SRSF8: variants seen among roughly 807,000 people sequenced by gnomAD.
SRSF8 encodes serine/arginine-rich splicing factor 8.
Under a neutral mutation model 2.0 loss-of-function variants are expected in SRSF8, and 3 were observed. The ratio of observed to expected loss-of-function variants is 1.47; its 90% CI spans 0.67 to 3.79. The LOEUF (loss-of-function observed/expected upper bound fraction) is 3.79. Ranked by LOEUF, SRSF8 falls within the 30% of genes most tolerant of loss-of-function variation. The pLI is 0.02. For synonymous variants in SRSF8, 162 were observed against 170.7 expected, an observed-to-expected ratio of 0.95 and a Z score of 0.40; for missense variants, 408 against 410.9, an observed-to-expected ratio of 0.99 and a Z score of 0.06.
At position 95,067,129 on chromosome 11, in the gene SRSF8, C is replaced by T; in HGVS notation, c.-98C>T. ...CGCCTCTCCGCCCGGCCTTTCCCGG[C>T]GTCCCCACGCGGGGCGCAACCGCGA... On this transcript the variant is annotated 5_prime_UTR_variant, in exon 1 of 1. Transcript: ENST00000587424. 2 of 1,201,442 alleles carry T rather than the reference C, an allele frequency of 1.7e-6. No individual in the cohort carries two copies. Among genetic ancestry groups the T allele is most frequent in the Non-Finnish European group, 1.1e-6 (1 of 913,566 alleles). 74.4% of individuals were successfully genotyped at this position (1,201,442 alleles called of 1,614,324 possible).
chr11:95,067,538 G>A lies in SRSF8; in HGVS notation c.312G>A (p.Glu104=). ...RRDLPRSRQG[E]PRGRSRGGGY... is the part of the protein sequence containing the mutation. The stretch of plus-strand genomic sequence containing the variant: ...ACCTGCCCCGCAGCCGCCAGGGAGA[G>A]CCACGCGGCAGGTCCAGAGGCGGCG... Residue 104 remains glutamate, a synonymous_variant, in exon 1 of 1, where the codon GAG becomes GAA. Coordinates refer to ENST00000587424, the MANE Select transcript of SRSF8 (RefSeq NM_032102.4). The A allele has an allele frequency of 6.6e-7, 1 of 1,526,316 alleles. No individual in the cohort carries two copies. Among genetic ancestry groups the A allele is most frequent in the South Asian group, 1.2e-5 (1 of 81,222 alleles). 94.5% of individuals were successfully genotyped at this position (1,526,316 alleles called of 1,614,324 possible). A position where few individuals can be genotyped will look rare whatever the true frequency, so the allele number is the denominator to read the frequency against.
rs1858691745 is a variant in SRSF8, at chr11:95,068,724, A to C, written c.*649A>C. The C allele has an allele frequency of 6.0e-6, 1 of 167,472 alleles. No homozygotes were observed. Among genetic ancestry groups the C allele is most frequent in the Admixed American group, 6.5e-5 (1 of 15,338 alleles). The allele number at this position is 167,472 out of a possible 1,614,324, so 10.4% of individuals were successfully genotyped here. On this transcript the variant is annotated 3_prime_UTR_variant, in exon 1 of 1. Coordinates refer to ENST00000587424, the MANE Select transcript of SRSF8 (RefSeq NM_032102.4). The stretch of plus-strand genomic sequence containing the variant: ...TGGCCTGTTGCAGTGCAGAGTGCTG[A>C]GCTGCTTCCTGTTTTCTTCTGATTG...
chr11:95,069,880 A>G lies in SRSF8; in HGVS notation c.*1805A>G, dbSNP rs680673. The G allele has an allele frequency of 4.8e-5, 8 of 166,852 alleles. No homozygotes were observed. The highest frequency in any genetic ancestry group is 1.9e-4 in the African/African-American group (8 of 41,332). The allele number at this position is 166,852 out of a possible 1,614,324, so 10.3% of individuals were successfully genotyped here. A position where few individuals can be genotyped will look rare whatever the true frequency, so the allele number is the denominator to read the frequency against. On this transcript the variant is annotated 3_prime_UTR_variant, in exon 1 of 1. Transcript: ENST00000587424. ...AGCAGGTGGCGAAGGGAGGTGAGGT[A>G]TATTTATTAAATGGGACCGAGTGGG...
chr11:95,067,659 C>A lies in SRSF8; in HGVS notation c.433C>A (p.Arg145Ser). 1 of 1,609,898 alleles carries A rather than the reference C, an allele frequency of 6.2e-7. No homozygotes were observed. Among genetic ancestry groups the A allele is most frequent in the Non-Finnish European group, 8.5e-7 (1 of 1,178,030 alleles). ...CCGGGGTCCCAGCTGCTCCAGGTCC[C>A]GCAGCCGATCTCGCTATAGGGGTTC... is the stretch of plus-strand genomic sequence containing the variant. The part of the protein sequence containing the change: ...RSRGPSCSRS[R>S]SRSRYRGSRY... The change falls in exon 1 of 1, where the codon CGC (arginine) becomes AGC (serine). Residue 145 changes from arginine to serine, a missense_variant. Transcript: ENST00000587424.
chr11:95,070,834 A>C lies in SRSF8; in HGVS notation c.*2759A>C, dbSNP rs1470083595. The C allele has an allele frequency of 1.2e-5, 2 of 167,116 alleles. No homozygotes were observed. Among genetic ancestry groups the C allele is most frequent in the Non-Finnish European group, 2.9e-5 (2 of 68,128 alleles). 10.4% of individuals were successfully genotyped at this position (167,116 alleles called of 1,614,324 possible). A position where few individuals can be genotyped will look rare whatever the true frequency, so the allele number is the denominator to read the frequency against. On this transcript the variant is annotated 3_prime_UTR_variant, in exon 1 of 1. Transcript: ENST00000587424. ...GTAATAGATTAGAAGTAGGGAAATTAATGAAAAAGCAGAATTAAGGATGAC... is the reference window on the plus strand; with the variant it reads ...GTAATAGATTAGAAGTAGGGAAATTCATGAAAAAGCAGAATTAAGGATGAC...
chr11:95,067,404 G>T lies in SRSF8; in HGVS notation c.178G>T (p.Val60Phe). The T allele has an allele frequency of 1.9e-6, 3 of 1,577,630 alleles. No homozygotes were observed. The highest frequency in any genetic ancestry group is 2.6e-6 in the Non-Finnish European group (3 of 1,164,532). Residue 60 changes from valine to phenylalanine, a missense_variant, in exon 1 of 1, where the codon GTC becomes TTC. Val to Phe is a conservative substitution (Grantham distance 50). This residue lies in a region of SRSF8 where 62 missense variants were observed against 94.4 expected (regional missense o/e 0.66). Coordinates refer to ENST00000587424, the MANE Select transcript of SRSF8 (RefSeq NM_032102.4). Reference protein sequence around the residue: ...HTKAPRGFAFVRFHDRRDAQD... With the variant: ...HTKAPRGFAFFRFHDRRDAQD... ...CAAGGCGCCCCGGGGCTTCGCTTTC[G>T]TCCGCTTTCACGACCGGCGCGACGC...
chr11:95,068,085 G>GCATCA lies in SRSF8; in HGVS notation c.*11_*15dup. Reference sequence around the variant, plus strand: ...ACAGATGTCCTCTTAAGAAAATGATGCATCAGGAAGCAACGTGATGGAGGA... The same window carrying GCATCA: ...ACAGATGTCCTCTTAAGAAAATGATGCATCACATCAGGAAGCAACGTGATGGAGGA... On this transcript the variant is annotated 3_prime_UTR_variant, in exon 1 of 1. Transcript: ENST00000587424. 3 of 1,596,008 alleles carry GCATCA rather than the reference G, an allele frequency of 1.9e-6. No homozygotes were observed. Among genetic ancestry groups the GCATCA allele is most frequent in the Non-Finnish European group, 8.6e-7 (1 of 1,166,304 alleles).
At position 95,067,094 on chromosome 11, in the gene SRSF8, C is replaced by G; in HGVS notation, c.-133C>G. On this transcript the variant is annotated 5_prime_UTR_variant, in exon 1 of 1. Transcript: ENST00000587424. Reference sequence around the variant, plus strand: ...CTGCTCCAGGGCGCTCCCTGCGGAGCTCCGCCGCCCGCCTCTCCGCCCGGC... The same window carrying G: ...CTGCTCCAGGGCGCTCCCTGCGGAGGTCCGCCGCCCGCCTCTCCGCCCGGC... The G allele has an allele frequency of 1.1e-6, 1 of 903,756 alleles. No homozygotes were observed. Among genetic ancestry groups the G allele is most frequent in the Non-Finnish European group, 1.6e-6 (1 of 643,130 alleles). 56.0% of individuals were successfully genotyped at this position (903,756 alleles called of 1,614,324 possible).
Position 95,068,254 on chromosome 11 carries a change from G to A in SRSF8, c.*179G>A. ...TCAGGTGGCAAAATTCATTCTATGTGCCGTTTTGTTGTTATTCACATTTTA... is the reference window on the plus strand; with the variant it reads ...TCAGGTGGCAAAATTCATTCTATGTACCGTTTTGTTGTTATTCACATTTTA... On this transcript the variant is annotated 3_prime_UTR_variant, in exon 1 of 1. Transcript: ENST00000587424. The A allele has an allele frequency of 1.6e-6, 1 of 632,696 alleles. No individual in the cohort carries two copies. Among genetic ancestry groups the A allele is most frequent in the Middle Eastern group, 4.2e-4 (1 of 2,376 alleles). 39.2% of individuals were successfully genotyped at this position (632,696 alleles called of 1,614,324 possible). A position where few individuals can be genotyped will look rare whatever the true frequency, so the allele number is the denominator to read the frequency against.
rs1217816541 is a variant in SRSF8 at position 95,069,212 on chromosome 11, TA to T, written c.*1143del. 1 of 167,040 alleles carries T rather than the reference TA, an allele frequency of 6.0e-6. No homozygotes were observed. The highest frequency in any genetic ancestry group is 1.5e-5 in the Non-Finnish European group (1 of 68,128). The allele number at this position is 167,040 out of a possible 1,614,324, so 10.3% of individuals were successfully genotyped here. ...CAAGTGTTTCTCAAAATATAATTTT[TA>T]AAAAATCCTTAATAGGCTTTTAGCT... On this transcript the variant is annotated 3_prime_UTR_variant, in exon 1 of 1. Coordinates refer to ENST00000587424, the MANE Select transcript of SRSF8 (RefSeq NM_032102.4).
chr11:95,067,103 C>T lies in SRSF8; in HGVS notation c.-124C>T. The stretch of plus-strand genomic sequence containing the variant: ...GGCGCTCCCTGCGGAGCTCCGCCGC[C>T]CGCCTCTCCGCCCGGCCTTTCCCGG... On this transcript the variant is annotated 5_prime_UTR_variant, in exon 1 of 1. Transcript: ENST00000587424. 1 of 1,004,368 alleles carries T rather than the reference C, an allele frequency of 1.0e-6. No individual in the cohort carries two copies. Among genetic ancestry groups the T allele is most frequent in the South Asian group, 2.3e-5 (1 of 42,574 alleles). 62.2% of individuals were successfully genotyped at this position (1,004,368 alleles called of 1,614,324 possible). A position where few individuals can be genotyped will look rare whatever the true frequency, so the allele number is the denominator to read the frequency against.
rs1240383115 is a variant in SRSF8 at position 95,070,963 on chromosome 11, A to G, written c.*2888A>G. On this transcript the variant is annotated 3_prime_UTR_variant, in exon 1 of 1. Transcript: ENST00000587424. ...AGAAATTGAGAAAGGAAAATCAAGA[A>G]TTTCCAGAACTTTCAGAGCAATGTT... 3 of 167,076 alleles carry G rather than the reference A, an allele frequency of 1.8e-5. No homozygotes were observed. Among genetic ancestry groups the G allele is most frequent in the Admixed American group, 6.5e-5 (1 of 15,284 alleles). The allele number at this position is 167,076 out of a possible 1,614,324, so 10.3% of individuals were successfully genotyped here.
At position 95,069,908 on chromosome 11, in the gene SRSF8, G is replaced by T. The variant is rs995485289; in HGVS notation, c.*1833G>T. On this transcript the variant is annotated 3_prime_UTR_variant, in exon 1 of 1. Transcript: ENST00000587424. ...TTTATTAAATGGGACCGAGTGGGAC[G>T]GGGACGGGGCAGCCCTAAGGGTAGG... is the stretch of plus-strand genomic sequence containing the variant. The T allele has an allele frequency of 6.0e-6, 1 of 167,018 alleles. No homozygotes were observed. The highest frequency in any genetic ancestry group is 2.4e-5 in the African/African-American group (1 of 41,444). The allele number at this position is 167,018 out of a possible 1,614,324, so 10.3% of individuals were successfully genotyped here.
chr11:95,070,399 AC>A lies in SRSF8; in HGVS notation c.*2325del. On this transcript the variant is annotated 3_prime_UTR_variant, in exon 1 of 1. Transcript: ENST00000587424. ...AAAAAAAAAAAGAAAAAGGAAAAAA[AC>A]AAACAAACAACAACTTTGAAACCTA... 2 of 157,400 alleles carry A rather than the reference AC, an allele frequency of 1.3e-5. No individual in the cohort carries two copies. The allele number at this position is 157,400 out of a possible 1,614,324, so 9.8% of individuals were successfully genotyped here.
rs1555107162 is a variant in SRSF8 at position 95,067,703 on chromosome 11, C to G, written c.477C>G (p.Pro159=). 1 of 1,613,810 alleles carries G rather than the reference C, an allele frequency of 6.2e-7. No homozygotes were observed. The highest frequency in any genetic ancestry group is 1.3e-5 in the African/African-American group (1 of 74,918). Residue 159 remains proline, a synonymous_variant, in exon 1 of 1, where the codon CCC becomes CCG. Transcript: ENST00000587424. Reference sequence around the variant, plus strand: ...GGGGTTCTCGCTATAGCCGGTCTCCCTACAGCCGATCTCCTTACAGCCGGT... The same window carrying G: ...GGGGTTCTCGCTATAGCCGGTCTCCGTACAGCCGATCTCCTTACAGCCGGT... ...RYRGSRYSRS[P]YSRSPYSRSR...
At position 95,069,584 on chromosome 11, in the gene SRSF8, AG is replaced by A. The variant is rs1233377673; in HGVS notation, c.*1512del. On this transcript the variant is annotated 3_prime_UTR_variant, in exon 1 of 1. Coordinates refer to ENST00000587424, the MANE Select transcript of SRSF8 (RefSeq NM_032102.4). ...CCTTTGTGCAGAAACTGCTAAATCC[AG>A]GGTTCGATTCTTGAATGAACTGGCA... The A allele has an allele frequency of 6.0e-6, 1 of 167,092 alleles. No homozygotes were observed. The highest frequency in any genetic ancestry group is 2.4e-5 in the African/African-American group (1 of 41,456). The allele number at this position is 167,092 out of a possible 1,614,324, so 10.4% of individuals were successfully genotyped here.
At position 95,066,979 on chromosome 11, in the gene SRSF8, G is replaced by A. The variant is rs1278075469; in HGVS notation, c.-248G>A. Among the ~76,000 whole-genome samples the A allele has an allele frequency of 3.3e-5, 5 of 152,226 alleles. No homozygotes were observed. Among genetic ancestry groups the A allele is most frequent in the Admixed American group, 2.0e-4 (3 of 15,286 alleles). On this transcript the variant is annotated 5_prime_UTR_variant, in exon 1 of 1. Coordinates refer to ENST00000587424, the MANE Select transcript of SRSF8 (RefSeq NM_032102.4). ...CCAGGTACAAGGCCAGGATCTTCGG[G>A]GCCTGGCTTCATTTGGAGTTCAGCT...
rs1858705553 is a variant in SRSF8, at chr11:95,069,642, C to T, written c.*1567C>T. The T allele has an allele frequency of 6.0e-6, 1 of 167,082 alleles. No individual in the cohort carries two copies. Among genetic ancestry groups the T allele is most frequent in the Non-Finnish European group, 1.5e-5 (1 of 68,124 alleles). 10.3% of individuals were successfully genotyped at this position (167,082 alleles called of 1,614,324 possible). ...CTGTGGTCTGTAGATATACATCCCA[C>T]ATTTTGTTGTTATAACAGTTAGTAG... On this transcript the variant is annotated 3_prime_UTR_variant, in exon 1 of 1. Transcript: ENST00000587424.
In SRSF8 at chr11:95,067,681, G is replaced by T. The variant is rs782583844; in HGVS notation, c.455G>T (p.Gly152Val). The T allele has an allele frequency of 6.2e-7, 1 of 1,613,622 alleles. No individual in the cohort carries two copies. The highest frequency in any genetic ancestry group is 8.5e-7 in the Non-Finnish European group (1 of 1,179,778). The change falls in exon 1 of 1, where the codon GGT becomes GTT. Residue 152 changes from glycine to valine, a missense_variant. Physicochemically the swap from Gly to Val is moderately radical, Grantham distance 109. Coordinates refer to ENST00000587424, the MANE Select transcript of SRSF8 (RefSeq NM_032102.4). ...SRSRSRSRYR[G>V]SRYSRSPYSR... Reference sequence around the variant, plus strand: ...TCCCGCAGCCGATCTCGCTATAGGGGTTCTCGCTATAGCCGGTCTCCCTAC... The same window carrying T: ...TCCCGCAGCCGATCTCGCTATAGGGTTTCTCGCTATAGCCGGTCTCCCTAC...
Sources: gnomAD v4.1 joint callset for allele counts (sites outside exome capture counted in the v4.1 genomes callset) on GRCh38, gnomAD v4.1.1 for gene constraint, gnomAD v4.1.1 regional missense constraint, MANE v1.5 for transcripts, NCBI Gene and HGNC (gene_info 2026-07-23, HGNC 2026-07-21) for gene names.